The following NAA25 variants were observed in gnomAD, a reference collection of about 807,000 sequenced individuals.
NAA25 encodes the protein N-terminal acetyltransferase B complex subunit NAA25.
A neutral mutation model predicts 132.5 loss-of-function variants in NAA25; 30 were observed. That is an observed-to-expected ratio of 0.23 (90% CI 0.17 to 0.31). The LOEUF (loss-of-function observed/expected upper bound fraction) is 0.31, where lower values mean the gene tolerates loss of function less well. Among genes scored for constraint, NAA25 ranks in the 10% least tolerant of loss-of-function variants. The pLI is 1.00. For synonymous variants in NAA25, 359 were observed against 401.9 expected (o/e 0.89, Z 1.28); for missense variants, 771 against 1,150.4 (o/e 0.67, Z 4.77).
At position 112,108,180 on chromosome 12, in the gene NAA25, G is replaced by A. The variant is rs558649926; in HGVS notation, c.58+536C>T. On this transcript the variant is annotated intron_variant, in intron 1 of 23. Transcript: ENST00000261745. The stretch of plus-strand genomic sequence containing the variant: ...CTCTGGATTGGGAGCCTGGAATCTC[G>A]GGCCTGCTCCTGACTCGATCTGGGT... 5.3e-5 allele frequency among the ~76,000 whole-genome samples: 8 copies of A among 152,268 alleles called. No homozygotes were observed. The South Asian group carries it at 8.3e-4, about 16-fold the overall frequency.
At chr12:112,055,733 A>C (rs1390561429) in intron 13 of NAA25, among the ~76,000 whole-genome samples, 1 of 152,018 alleles carries the variant, frequency 6.6e-6, no homozygotes, top group African/African-American at 2.4e-5. Context: ...AAAAAAAAGA[A>C]AAAAAAATGC....
chr12:112,046,531 C>A (rs2078383723), intron 17 of NAA25, among the ~76,000 whole-genome samples: 1 of 152,216 alleles, frequency 6.6e-6, no homozygotes, highest in Non-Finnish European at 1.5e-5. Context: ...TCAGAACTAC[C>A]TCATATACAC....
chr12:112,042,786 C>T (rs1285453152), intron 19 of NAA25, among the ~76,000 whole-genome samples: 1 of 152,198 alleles, frequency 6.6e-6, no homozygotes, highest in East Asian at 1.9e-4. Context: ...GGATTACAGG[C>T]GTGAGCCACT....
intron 1 of NAA25, among the ~76,000 whole-genome samples, chr12:112,098,278 C>G (rs747728408): frequency 6.6e-6 from 1 of 152,058 alleles, no homozygotes; most frequent in Non-Finnish European, 1.5e-5. Context: ...CAAGGATTTA[C>G]AGTAACCGTC....
Position 112,081,196 on chromosome 12 carries a change from A to G in NAA25, c.403-62T>C, listed in dbSNP as rs962639029. 3 of 1,379,908 alleles carry G rather than the reference A, an allele frequency of 2.2e-6. No individual in the cohort carries two copies. In the African/African-American group the frequency reaches 4.4e-5, roughly 20 times the overall value. 85.5% of individuals were successfully genotyped at this position (1,379,908 alleles called of 1,614,324 possible). A position where few individuals can be genotyped will look rare whatever the true frequency, so the allele number is the denominator to read the frequency against. The stretch of plus-strand genomic sequence containing the variant: ...CCATACAGAAGGGGATTAATGATCT[A>G]GATACACGACAAAAAGTTTCTTGGG... On this transcript the variant is annotated intron_variant, in intron 4 of 23. Transcript: ENST00000261745.
intron 5 of NAA25, among the ~76,000 whole-genome samples, chr12:112,079,386 A>G (rs2078938217): frequency 1.3e-5 from 2 of 152,050 alleles, no homozygotes; most frequent in South Asian, 4.1e-4. Context: ...AAATTTTGAG[A>G]CCAGCCTGGC....
At chr12:112,042,158 A>G in intron 19 of NAA25, 54 bp from the exon 20 acceptor site, 2 of 942,606 alleles carry the variant, frequency 2.1e-6, no homozygotes, top group Non-Finnish European at 3.0e-6. Flanking sequence ...TTAGTAAGAT[A>G]AAGAAGCAAG....
At chr12:112,084,089 T>G (rs979776107) in intron 4 of NAA25, among the ~76,000 whole-genome samples, 2 of 152,206 alleles carry the variant, frequency 1.3e-5, no homozygotes, top group African/African-American at 4.8e-5. Context: ...ACAGACAAGT[T>G]TAAAAACATG....
chr12:112,106,198 G>A (rs181210053), intron 1 of NAA25, among the ~76,000 whole-genome samples: 12 of 152,192 alleles, frequency 7.9e-5, no homozygotes, highest in Admixed American at 7.2e-4. Flanking sequence ...ACATAATTCT[G>A]ACTTCAGTTT....
intron 13 of NAA25, among the ~76,000 whole-genome samples, chr12:112,055,270 AAG>A (rs2078529331): frequency 1.3e-5 from 2 of 152,220 alleles, no homozygotes; most frequent in Admixed American, 6.5e-5. Flanking sequence ...GACGTTAATG[AAG>A]AGTTTTTAAT....
chr12:112,070,614 C>G (rs2078791187), intron 10 of NAA25, among the ~76,000 whole-genome samples: 1 of 152,074 alleles, frequency 6.6e-6, no homozygotes, highest in South Asian at 2.1e-4. Context: ...CTGTGTCACC[C>G]AGGCTGAAGC....
chr12:112,053,230 T>C (rs2078492865), intron 15 of NAA25, among the ~76,000 whole-genome samples: 1 of 152,238 alleles, frequency 6.6e-6, no homozygotes, highest in Admixed American at 6.5e-5. Flanking sequence ...TCCCAGGCTA[T>C]GAACGCTTAT....
chr12:112,105,693 T>C (rs1174805385), intron 1 of NAA25, among the ~76,000 whole-genome samples: 1 of 152,216 alleles, frequency 6.6e-6, no homozygotes, highest in Admixed American at 6.5e-5. Flanking sequence ...TCCTGAAACC[T>C]TGGCAGTACA....
intron 17 of NAA25, among the ~76,000 whole-genome samples, chr12:112,046,421 C>A (rs1034728551): frequency 2.0e-5 from 3 of 152,204 alleles, no homozygotes; most frequent in Non-Finnish European, 2.9e-5. Flanking sequence ...AAACCTTAGC[C>A]GTTGAGTGCA....
At chr12:112,083,168 T>C (rs2078996806) in intron 4 of NAA25, among the ~76,000 whole-genome samples, 1 of 151,698 alleles carries the variant, frequency 6.6e-6, no homozygotes, top group South Asian at 2.1e-4. Context: ...GTAGATCAAA[T>C]AGAAAAGAAA....
At chr12:112,045,229 C>T (rs1273219650) in intron 17 of NAA25, among the ~76,000 whole-genome samples, 1 of 152,124 alleles carries the variant, frequency 6.6e-6, no homozygotes. Flanking sequence ...CAGTGGCTAA[C>T]GCCTGTAATC....
intron 8 of NAA25, 124 bp from the exon 9 acceptor site, chr12:112,074,888 C>A: frequency 1.8e-6 from 1 of 560,834 alleles, no homozygotes; most frequent in Non-Finnish European, 3.2e-6. Context: ...TGGCTTACCC[C>A]CACCCACTCC....
At chr12:112,070,903 T>C (rs1046356308) in intron 10 of NAA25, among the ~76,000 whole-genome samples, 1 of 152,222 alleles carries the variant, frequency 6.6e-6, no homozygotes, top group Non-Finnish European at 1.5e-5. Flanking sequence ...TGTGCCACCA[T>C]GCCTGGCTAA....
chr12:112,093,882 A>G (rs574433873), intron 1 of NAA25, among the ~76,000 whole-genome samples: 106 of 152,194 alleles, frequency 7.0e-4, no homozygotes, highest in African/African-American at 2.4e-3. Context: ...ACCCTGATTC[A>G]AAAAAACTTT....
Sources: allele counts gnomAD v4.1 joint callset (sites outside exome capture counted in the v4.1 genomes callset), GRCh38; gene constraint gnomAD v4.1.1; transcripts MANE v1.5; gene names NCBI Gene and HGNC (gene_info 2026-07-23, HGNC 2026-07-21).